CHD2: variants seen among roughly 807,000 people sequenced by gnomAD.
CHD2 encodes ATP-dependent chromatin remodeler CHD2.
CHD2 carries 28 observed loss-of-function variants against 243.9 expected under a neutral mutation model. The ratio of observed to expected loss-of-function variants is 0.11; its 90% CI spans 0.09 to 0.16. The LOEUF is 0.16. CHD2 is among the 10% of genes least tolerant of loss of function. CHD2 has a pLI of 1.00. For missense variants in CHD2, 1,386 were observed against 2,209.8 expected (o/e 0.63, Z 7.47); for synonymous variants, 775 against 779.0 (o/e 0.99, Z 0.09).
chr15:92,914,793 A>C (rs571988456), intron 2 of CHD2, among the ~76,000 whole-genome samples: 13 of 152,226 alleles, frequency 8.5e-5, no homozygotes, highest in Non-Finnish European at 1.8e-4. Context: ...GTAGCACCCC[A>C]TCTATAAAAA....
intron 2 of CHD2, among the ~76,000 whole-genome samples, chr15:92,908,698 G>C (rs527560796): frequency 3.5e-4 from 53 of 152,288 alleles, no homozygotes; most frequent in African/African-American, 1.3e-3. Flanking sequence ...AGTCTTAATA[G>C]CTGCTTGAGT....
chr15:92,974,352 C>G (rs1010701916), intron 19 of CHD2, among the ~76,000 whole-genome samples: 1 of 152,086 alleles, frequency 6.6e-6, no homozygotes, highest in African/African-American at 2.4e-5. Flanking sequence ...TTTGGCAAAG[C>G]TGGGATATAT....
At chr15:92,975,918 G>A (rs559831726) in intron 20 of CHD2, among the ~76,000 whole-genome samples, 2 of 152,002 alleles carry the variant, frequency 1.3e-5, no homozygotes, top group Non-Finnish European at 1.5e-5. Flanking sequence ...TAAAGACATC[G>A]GTCATCAACT....
Position 92,942,856 on chromosome 15 carries a change from T to C in CHD2, c.840T>C (p.Ser280=). 1 of 1,611,472 alleles carries C rather than the reference T, an allele frequency of 6.2e-7. No individual in the cohort carries two copies. Among genetic ancestry groups the C allele is most frequent in the Non-Finnish European group, 8.5e-7 (1 of 1,179,156 alleles). Residue 280 remains serine, a synonymous_variant, in exon 9 of 39, where the codon TCT becomes TCC. Transcript: ENST00000394196. ...RLGKKGATGA[S]TTVYAIEANG... ...ATCCTTTTGCAGCCACTGGAGCATCTACTACTGTATATGCGATTGAAGCTA... is the reference window on the plus strand; with the variant it reads ...ATCCTTTTGCAGCCACTGGAGCATCCACTACTGTATATGCGATTGAAGCTA...
intron 2 of CHD2, among the ~76,000 whole-genome samples, chr15:92,921,005 A>G (rs2052944761): frequency 2.0e-5 from 3 of 151,936 alleles, no homozygotes; most frequent in Admixed American, 2.0e-4. Context: ...CTAGGTCAGC[A>G]TGTGTGTCAT....
At chr15:92,951,237 C>G (rs2053550067) in intron 13 of CHD2, among the ~76,000 whole-genome samples, 1 of 152,080 alleles carries the variant, frequency 6.6e-6, no homozygotes, top group Admixed American at 6.5e-5. Flanking sequence ...GTGGCATGAT[C>G]TTGGCTCACT....
Position 93,024,553 on chromosome 15 carries a change from C to A in CHD2, c.5335C>A (p.Pro1779Thr), listed in dbSNP as rs374271060. ...GGGGGAATATAAACAGCCTCTACCC[C>A]CATTGCACCCTGCAGTCTCAGATCC... is the stretch of plus-strand genomic sequence containing the variant. Reference protein sequence around the residue: ...KLGEYKQPLPPLHPAVSDPRS... With the variant: ...KLGEYKQPLPTLHPAVSDPRS... Residue 1779 changes from proline to threonine, a missense_variant, in exon 39 of 39, where the codon CCA becomes ACA. Transcript: ENST00000394196. The A allele has an allele frequency of 1.2e-6, 2 of 1,614,204 alleles. No homozygotes were observed. Among genetic ancestry groups the A allele is most frequent in the Non-Finnish European group, 8.5e-7 (1 of 1,180,044 alleles).
chr15:92,904,231 A>G (rs2052574010), intron 2 of CHD2, among the ~76,000 whole-genome samples: 1 of 152,220 alleles, frequency 6.6e-6, no homozygotes, highest in African/African-American at 2.4e-5. Flanking sequence ...GCTGACAGAC[A>G]TACTGCATTG....
At chr15:92,953,310 G>T in intron 13 of CHD2, 47 bp from the exon 14 acceptor site, 2 of 1,504,058 alleles carry the variant, frequency 1.3e-6, no homozygotes, top group Non-Finnish European at 1.8e-6. Context: ...TCTGTGTTTT[G>T]GTGAACTAAT....
intron 2 of CHD2, among the ~76,000 whole-genome samples, chr15:92,912,839 T>C (rs4778058): frequency 0.43 from 65,066 of 152,182 alleles, 15,310 homozygotes; most frequent in East Asian, 0.67. Context: ...CGTGAGCCAC[T>C]GCGCCAGGCC....
chr15:92,914,683 T>C (rs1410611544), intron 2 of CHD2, among the ~76,000 whole-genome samples: 1 of 152,246 alleles, frequency 6.6e-6, no homozygotes, highest in East Asian at 1.9e-4. Flanking sequence ...TTGTGTGCAC[T>C]TTTTCTTATA....
At chr15:92,989,025 CTTTTTTTTTTTTT>C (rs34298248) in intron 26 of CHD2, among the ~76,000 whole-genome samples, 1 of 76,520 alleles carries the variant, frequency 1.3e-5, no homozygotes, top group Admixed American at 1.8e-4. Context: ...ATACTTCATA[CTTTTTTTTTTTTT>C]TTTTTTTTTT....
Position 92,972,424 on chromosome 15 carries a change from T to G in CHD2, c.2505+7T>G, listed in dbSNP as rs750138977. The G allele has an allele frequency of 6.3e-7, 1 of 1,581,554 alleles. No individual in the cohort carries two copies. The highest frequency in any genetic ancestry group is 1.2e-5 in the South Asian group (1 of 86,600). ...TAAACACTATCCTTTCCAGGTAAGG[T>G]GATTTCAGTAATTGCTGTGGGGGGA... On this transcript the variant is annotated splice_region_variant and intron_variant, in intron 19 of 38. Coordinates refer to ENST00000394196, the MANE Select transcript of CHD2 (RefSeq NM_001271.4).
chr15:93,002,614 A>G (rs1044721798), intron 33 of CHD2, among the ~76,000 whole-genome samples: 1 of 152,248 alleles, frequency 6.6e-6, no homozygotes, highest in African/African-American at 2.4e-5. Context: ...ATTTACATGT[A>G]AATACGAAAT....
rs533073519 is a variant in CHD2, at chr15:93,027,963, G to C, written c.*3258G>C. The C allele has an allele frequency of 5.2e-5, 8 of 152,720 alleles. No homozygotes were observed. Among genetic ancestry groups the C allele is most frequent in the African/African-American group, 1.9e-4 (8 of 41,550 alleles). The allele number at this position is 152,720 out of a possible 1,614,324, so 9.5% of individuals were successfully genotyped here. A position where few individuals can be genotyped will look rare whatever the true frequency, so the allele number is the denominator to read the frequency against. On this transcript the variant is annotated 3_prime_UTR_variant, in exon 39 of 39. Transcript: ENST00000394196. Reference sequence around the variant, plus strand: ...TAAAACTGCTGTACTTTTGATTCTTGTATATTAAAAAGTGTTACTGAGCAT... The same window carrying C: ...TAAAACTGCTGTACTTTTGATTCTTCTATATTAAAAAGTGTTACTGAGCAT...
intron 33 of CHD2, among the ~76,000 whole-genome samples, chr15:93,003,228 T>C (rs986885991): frequency 2.7e-5 from 4 of 149,358 alleles, no homozygotes; most frequent in African/African-American, 9.9e-5. Context: ...GAGGCTGCAG[T>C]GAGCCATGGT....
intron 24 of CHD2, among the ~76,000 whole-genome samples, chr15:92,982,336 T>C (rs1189885432): frequency 6.6e-6 from 1 of 152,146 alleles, no homozygotes; most frequent in Non-Finnish European, 1.5e-5. Flanking sequence ...GTGGAAAAGA[T>C]TTGGGACAGC....
chr15:92,993,041 C>G, intron 28 of CHD2, 43 bp downstream of exon 28: 1 of 1,607,514 alleles, frequency 6.2e-7, no homozygotes, highest in South Asian at 1.1e-5. Context: ...ACCTGGCACT[C>G]TTGGACTGGA....
In CHD2 at chr15:92,967,321, C is replaced by G. The variant is rs1476285219; in HGVS notation, c.2001-4C>G. 1.3e-6 allele frequency: 2 copies of G among 1,599,906 alleles called. No homozygotes were observed. The highest frequency in any genetic ancestry group is 1.7e-6 in the Non-Finnish European group (2 of 1,171,622). ...TAAATAACACTATACTGTTTCTTCC[C>G]TAGGTTTGAATTTTGGGAAGATTTT... On this transcript the variant is annotated splice_polypyrimidine_tract_variant and splice_region_variant and intron_variant, in intron 16 of 38. Transcript: ENST00000394196.
Sources: gnomAD v4.1 joint callset for allele counts (sites outside exome capture counted in the v4.1 genomes callset) on GRCh38, gnomAD v4.1.1 for gene constraint, MANE v1.5 for transcripts, NCBI Gene and HGNC (gene_info 2026-07-23, HGNC 2026-07-21) for gene names.